Variants in BCAR3 observed in about 807,000 individuals in gnomAD.
BCAR3 encodes the protein breast cancer anti-estrogen resistance protein 3.
BCAR3 carries 37 observed loss-of-function variants against 80.1 expected under a neutral mutation model. The ratio of observed to expected loss-of-function variants is 0.46; its 90% CI spans 0.36 to 0.61. BCAR3 has a LOEUF of 0.61. Ranked by LOEUF, BCAR3 falls within the 20% of genes least tolerant of loss-of-function variation. BCAR3 has a pLI of 0.00. For synonymous variants in BCAR3, 389 were observed against 418.9 expected (o/e 0.93, Z 0.87); for missense variants, 978 against 1,068.2 (o/e 0.92, Z 1.18).
At chr1:93,706,928 G>A (rs1054746147) in intron 2 of BCAR3, among the ~76,000 whole-genome samples, 9 of 152,234 alleles carry the variant, frequency 5.9e-5, no homozygotes, top group African/African-American at 1.7e-4. Flanking sequence ...TGTAATCCCA[G>A]TACTTTGGGA....
chr1:93,731,021 A>C (rs1650767629), intron 2 of BCAR3, among the ~76,000 whole-genome samples: 1 of 152,244 alleles, frequency 6.6e-6, no homozygotes, highest in South Asian at 2.1e-4. Flanking sequence ...CCTCCCCAGA[A>C]TTCATAACCT....
At chr1:93,726,133 C>T (rs1004186218) in intron 2 of BCAR3, among the ~76,000 whole-genome samples, 6 of 152,116 alleles carry the variant, frequency 3.9e-5, no homozygotes, top group Non-Finnish European at 7.3e-5. Flanking sequence ...GTGGCAAACA[C>T]AGCTCAATGC....
At chr1:93,677,689 G>C (rs887409569) in intron 1 of BCAR3, among the ~76,000 whole-genome samples, 4 of 152,152 alleles carry the variant, frequency 2.6e-5, no homozygotes, top group Admixed American at 1.3e-4. Flanking sequence ...AAGGTGGTGC[G>C]ATGCTGTAAC....
chr1:93,686,597 C>G (rs956646751), upstream of BCAR3, among the ~76,000 whole-genome samples: 3 of 152,182 alleles, frequency 2.0e-5, no homozygotes, highest in African/African-American at 7.2e-5. Context: ...TACTCAAGTT[C>G]AAATGAGATT....
intron 2 of BCAR3, among the ~76,000 whole-genome samples, chr1:93,707,515 GC>G (rs1557661470): frequency 6.6e-6 from 1 of 152,044 alleles, no homozygotes; most frequent in East Asian, 1.9e-4. Context: ...TTCAAGACCA[GC>G]CTGGCCAACA....
At chr1:93,678,873 G>A (rs561262470) in intron 1 of BCAR3, among the ~76,000 whole-genome samples, 13 of 152,320 alleles carry the variant, frequency 8.5e-5, no homozygotes, top group East Asian at 7.7e-4. Context: ...AGGAACAAGC[G>A]GTTGGAATGA....
At chr1:93,604,166 C>T (rs1417731092) in intron 3 of BCAR3, among the ~76,000 whole-genome samples, 3 of 152,164 alleles carry the variant, frequency 2.0e-5, no homozygotes, top group Non-Finnish European at 4.4e-5. Context: ...AACTGATTTG[C>T]AATTTGCTGT....
At chr1:93,666,221 C>A (rs959031081) in intron 2 of BCAR3, among the ~76,000 whole-genome samples, 1 of 152,262 alleles carries the variant, frequency 6.6e-6, no homozygotes, top group Middle Eastern at 3.4e-3. Context: ...TAGACCAGTG[C>A]TAGCCAATAA....
chr1:93,826,016 T>C (rs1393462771), intron 2 of BCAR3, among the ~76,000 whole-genome samples: 6 of 152,142 alleles, frequency 3.9e-5, no homozygotes. Context: ...CAGAAGGAGT[T>C]CAGTAAATGT....
At chr1:93,758,331 T>C (rs548149499) in intron 2 of BCAR3, among the ~76,000 whole-genome samples, 1 of 152,052 alleles carries the variant, frequency 6.6e-6, no homozygotes, top group African/African-American at 2.4e-5. Flanking sequence ...CAAAGAAGAG[T>C]TTCCAGGGAG....
At chr1:93,841,733 T>C (rs1654967486) in intron 2 of BCAR3, among the ~76,000 whole-genome samples, 1 of 152,226 alleles carries the variant, frequency 6.6e-6, no homozygotes, top group Non-Finnish European at 1.5e-5. Context: ...TATCCTTAGC[T>C]GTGTTTCTTG....
chr1:93,737,476 G>A (rs149011019), intron 2 of BCAR3, among the ~76,000 whole-genome samples: 2 of 152,298 alleles, frequency 1.3e-5, no homozygotes, highest in African/African-American at 2.4e-5. Context: ...GAGTGATGCA[G>A]CTACAAGCCA....
At chr1:93,809,536 G>A (rs944897127) in intron 2 of BCAR3, among the ~76,000 whole-genome samples, 2 of 152,002 alleles carry the variant, frequency 1.3e-5, no homozygotes. Flanking sequence ...GGGAGGCCGA[G>A]GTGGGCGGAT....
intron 2 of BCAR3, among the ~76,000 whole-genome samples, chr1:93,840,538 A>G (rs1654921882): frequency 6.6e-6 from 1 of 152,204 alleles, no homozygotes; most frequent in African/African-American, 2.4e-5. Flanking sequence ...CCTTCCAAAT[A>G]TGCTTACCAG....
chr1:93,835,242 C>G (rs1302298867), intron 2 of BCAR3, among the ~76,000 whole-genome samples: 1 of 152,142 alleles, frequency 6.6e-6, no homozygotes, highest in Non-Finnish European at 1.5e-5. Flanking sequence ...ATCATTAATG[C>G]CTCTTTAATA....
chr1:93,588,157 C>G (rs908074473), intron 5 of BCAR3, among the ~76,000 whole-genome samples: 1 of 152,140 alleles, frequency 6.6e-6, no homozygotes, highest in Admixed American at 6.5e-5. Flanking sequence ...TCCTGGACCC[C>G]AAAACTGCTG....
intron 1 of BCAR3, among the ~76,000 whole-genome samples, chr1:93,679,222 A>C (rs1648635698): frequency 6.6e-6 from 1 of 152,224 alleles, no homozygotes; most frequent in Non-Finnish European, 1.5e-5. Context: ...TACTGCAAAC[A>C]CTTAGTAAAT....
intron 3 of BCAR3, among the ~76,000 whole-genome samples, chr1:93,628,191 C>T (rs1675507126): frequency 6.6e-6 from 1 of 152,140 alleles, no homozygotes; most frequent in Admixed American, 6.5e-5. Context: ...TCTTCTCCCA[C>T]CTCATGTCCA....
intron 3 of BCAR3, among the ~76,000 whole-genome samples, chr1:93,626,870 T>C (rs991219841): frequency 6.6e-6 from 1 of 152,244 alleles, no homozygotes; most frequent in Non-Finnish European, 1.5e-5. Context: ...AATTGAATTG[T>C]GGGCTCAACT....
Sources: allele counts gnomAD v4.1 joint callset (sites outside exome capture counted in the v4.1 genomes callset), GRCh38; gene constraint gnomAD v4.1.1; transcripts MANE v1.5; gene names NCBI Gene and HGNC (gene_info 2026-07-23, HGNC 2026-07-21).